The following BICD1 variants were observed in gnomAD, a reference collection of about 807,000 sequenced individuals.
BICD1 encodes BICD cargo adaptor 1, also known as protein bicaudal D homolog 1.
A neutral mutation model predicts 92.5 loss-of-function variants in BICD1; 35 were observed. That is an observed-to-expected ratio of 0.38 (90% CI 0.29 to 0.50). BICD1 has a LOEUF of 0.50. Among genes scored for constraint, BICD1 ranks in the 20% least tolerant of loss-of-function variants. The pLI is 0.93. For synonymous variants in BICD1, 429 were observed against 465.1 expected (o/e 0.92, Z 1.00); for missense variants, 950 against 1,189.8 (o/e 0.80, Z 2.97).
At chr12:32,150,374 G>A (rs932769643) in intron 1 of BICD1, among the ~76,000 whole-genome samples, 1 of 152,132 alleles carries the variant, frequency 6.6e-6, no homozygotes, top group Non-Finnish European at 1.5e-5. Context: ...ATCTAGGCAG[G>A]GAAAAGCGTA....
At chr12:32,311,927 C>T (rs1208424487) in intron 4 of BICD1, among the ~76,000 whole-genome samples, 1 of 152,030 alleles carries the variant, frequency 6.6e-6, no homozygotes, top group African/African-American at 2.4e-5. Flanking sequence ...TCTTTCTTTG[C>T]CAGTATCAGA....
At position 32,227,249 on chromosome 12, in the gene BICD1, TC is replaced by T. The variant is rs542852882; in HGVS notation, c.426+10792del. ...AGCTGGGGGCCAGGGGCCTCTCTCTTCCTTCATCACCAGTTGCTGGTAACTT... is the reference window on the plus strand; with the variant it reads ...AGCTGGGGGCCAGGGGCCTCTCTCTTCTTCATCACCAGTTGCTGGTAACTT... On this transcript the variant is annotated intron_variant, in intron 2 of 9. Transcript: ENST00000652176. Among the ~76,000 whole-genome samples the T allele has an allele frequency of 7.9e-4, 120 of 152,316 alleles. No homozygotes were observed. In the East Asian group the frequency reaches 0.017, roughly 22 times the overall value.
At chr12:32,157,699 C>T (rs1943481275) in intron 1 of BICD1, among the ~76,000 whole-genome samples, 1 of 152,202 alleles carries the variant, frequency 6.6e-6, no homozygotes, top group Non-Finnish European at 1.5e-5. Flanking sequence ...TGGTTTCCTA[C>T]TTTTCCTCTT....
intron 1 of BICD1, among the ~76,000 whole-genome samples, chr12:32,133,590 G>A (rs1217930231): frequency 6.6e-6 from 1 of 152,084 alleles, no homozygotes; most frequent in African/African-American, 2.4e-5. Context: ...AATGCTCTAT[G>A]ATGTAATTTA....
Position 32,216,341 on chromosome 12 carries a change from C to G in BICD1, c.308C>G (p.Ala103Gly). 1 of 1,614,138 alleles carries G rather than the reference C, an allele frequency of 6.2e-7. No individual in the cohort carries two copies. The highest frequency in any genetic ancestry group is 8.5e-7 in the Non-Finnish European group (1 of 1,180,024). The change falls in exon 2 of 10, where the codon GCT becomes GGT. Residue 103 changes from alanine to glycine, a missense_variant. Physicochemically the swap from Ala to Gly is moderately conservative, Grantham distance 60 (BLOSUM62 0). Around this residue, in one of 5 missense-constraint regions of BICD1, gnomAD observed 202 missense variants for 205.3 expected, o/e 0.98. Transcript: ENST00000652176. Reference protein sequence around the residue: ...TLLQESASKEAYYLGKILEMQ... With the variant: ...TLLQESASKEGYYLGKILEMQ... ...CTGCAGGAGTCAGCATCGAAGGAGG[C>G]TTACTATCTGGGGAAGATCTTGGAG...
chr12:32,240,228 T>G (rs1037909592), intron 2 of BICD1, among the ~76,000 whole-genome samples: 4 of 152,182 alleles, frequency 2.6e-5, no homozygotes, highest in African/African-American at 9.7e-5. Context: ...TATTAATTTT[T>G]TATGGCTGCT....
At chr12:32,344,507 A>G (rs766077956) in intron 8 of BICD1, among the ~76,000 whole-genome samples, 1 of 152,218 alleles carries the variant, frequency 6.6e-6, no homozygotes, top group Non-Finnish European at 1.5e-5. Flanking sequence ...TGTGGGTAAC[A>G]TCGAAGATAA....
At chr12:32,366,938 AG>A (rs1304798814) in intron 8 of BICD1, among the ~76,000 whole-genome samples, 1 of 152,204 alleles carries the variant, frequency 6.6e-6, no homozygotes, top group African/African-American at 2.4e-5. Flanking sequence ...ACCCAGCTAA[AG>A]CTTGATTTTT....
intron 4 of BICD1, among the ~76,000 whole-genome samples, chr12:32,306,440 T>G (rs1948224099): frequency 6.6e-6 from 1 of 151,824 alleles, no homozygotes; most frequent in South Asian, 2.1e-4. Context: ...GAGACGGGGT[T>G]TCACCGTATT....
chr12:32,145,496 G>A (rs984887606), intron 1 of BICD1, among the ~76,000 whole-genome samples: 3 of 152,158 alleles, frequency 2.0e-5, no homozygotes, highest in Non-Finnish European at 4.4e-5. Flanking sequence ...AAATCTTTAA[G>A]TAGCTCCTGG....
intron 8 of BICD1, among the ~76,000 whole-genome samples, chr12:32,341,384 AG>A (rs1213461555): frequency 6.6e-6 from 1 of 151,428 alleles, no homozygotes; most frequent in Admixed American, 6.6e-5. Flanking sequence ...GGATCCCTTG[AG>A]ACAGGGAGGC....
chr12:32,193,009 C>G (rs764376623), intron 1 of BICD1, among the ~76,000 whole-genome samples: 2 of 152,260 alleles, frequency 1.3e-5, no homozygotes, highest in Non-Finnish European at 2.9e-5. Context: ...GAAGTGACAA[C>G]AAAAGATGTA....
chr12:32,351,177 A>C (rs1325354470), intron 8 of BICD1, among the ~76,000 whole-genome samples: 6 of 151,570 alleles, frequency 4.0e-5, no homozygotes, highest in Non-Finnish European at 8.8e-5. Context: ...AAAAAAAAAA[A>C]AAACTTCCAT....
chr12:32,324,649 C>G (rs578247984), intron 4 of BICD1, among the ~76,000 whole-genome samples: 1 of 152,170 alleles, frequency 6.6e-6, no homozygotes, highest in African/African-American at 2.4e-5. Context: ...AATCTCGGCT[C>G]GTTGCAACCT....
At position 32,288,223 on chromosome 12, in the gene BICD1, A is replaced by ATTTTTTTTT. The variant is rs34913740; in HGVS notation, c.427-5755_427-5747dup. On this transcript the variant is annotated intron_variant, in intron 2 of 9. Coordinates refer to ENST00000652176, the MANE Select transcript of BICD1 (RefSeq NM_001714.4). ...CTTACCTGTCACCTACCAAGTCCTA[A>ATTTTTTTTT]TTTTTTTTTTTTTTTTTTTTTTTTC... Among the ~76,000 whole-genome samples, 82 of 109,494 alleles carry ATTTTTTTTT rather than the reference A, an allele frequency of 7.5e-4. 3 individuals are homozygous for ATTTTTTTTT. The highest frequency in any genetic ancestry group is 2.9e-3 in the African/African-American group (78 of 27,190). The allele number at this position is 109,494 out of a possible 152,430, so 71.8% of individuals were successfully genotyped here.
intron 8 of BICD1, among the ~76,000 whole-genome samples, chr12:32,342,977 G>A (rs776413503): frequency 2.0e-5 from 3 of 152,202 alleles, no homozygotes; most frequent in Non-Finnish European, 2.9e-5. Flanking sequence ...AAATTCTGGC[G>A]TTTCCCTCTG....
At chr12:32,302,874 A>G (rs1026286839) in intron 3 of BICD1, among the ~76,000 whole-genome samples, 3 of 122,446 alleles carry the variant, frequency 2.5e-5, no homozygotes, top group Non-Finnish European at 5.2e-5. Flanking sequence ...TGAAATTCCA[A>G]TGACCATTTT....
chr12:32,280,345 T>G (rs546875224), intron 2 of BICD1, among the ~76,000 whole-genome samples: 1 of 152,352 alleles, frequency 6.6e-6, no homozygotes, highest in East Asian at 1.9e-4. Context: ...CCAGAAGTAG[T>G]AAACTTATAT....
At chr12:32,256,610 A>G (rs1946728016) in intron 2 of BICD1, among the ~76,000 whole-genome samples, 1 of 152,238 alleles carries the variant, frequency 6.6e-6, no homozygotes, top group Non-Finnish European at 1.5e-5. Context: ...ATAATAGATA[A>G]GAAGGAAAAT....
Sources: allele counts gnomAD v4.1 joint callset (sites outside exome capture counted in the v4.1 genomes callset), GRCh38; gene constraint gnomAD v4.1.1; regional missense constraint gnomAD v4.1.1; transcripts MANE v1.5; gene names NCBI Gene and HGNC (gene_info 2026-07-23, HGNC 2026-07-21).